The following ROR2 variants were observed in gnomAD, a reference collection of about 807,000 sequenced individuals.
ROR2 encodes the protein tyrosine-protein kinase transmembrane receptor ROR2.
In ROR2, 33 loss-of-function variants were observed where a neutral mutation model predicts 74.9. The ratio of observed to expected loss-of-function variants is 0.44; its 90% CI spans 0.33 to 0.59. The LOEUF (loss-of-function observed/expected upper bound fraction) is 0.59, where lower values mean the gene tolerates loss of function less well. ROR2 is among the 20% of genes least tolerant of loss of function. ROR2 has a pLI of 0.02. For synonymous variants in ROR2, 586 were observed against 558.7 expected (o/e 1.05, Z -0.69); for missense variants, 1,216 against 1,313.8 (o/e 0.93, Z 1.15).
chr9:91,936,571 TCAA>T (rs1181144530), intron 1 of ROR2, among the ~76,000 whole-genome samples: 2 of 152,202 alleles, frequency 1.3e-5, no homozygotes, highest in Non-Finnish European at 2.9e-5. Flanking sequence ...AGTTAGGACT[TCAA>T]CATATCTTCT....
At chr9:91,907,169 G>A (rs1021418850) in intron 1 of ROR2, among the ~76,000 whole-genome samples, 3 of 152,158 alleles carry the variant, frequency 2.0e-5, no homozygotes, top group Non-Finnish European at 4.4e-5. Context: ...TGTCTTAAGT[G>A]ATAAACAGGA....
chr9:91,927,465 G>A (rs529294912), intron 1 of ROR2, among the ~76,000 whole-genome samples: 6 of 152,020 alleles, frequency 3.9e-5, no homozygotes, highest in Non-Finnish European at 5.9e-5. Flanking sequence ...AAAGTCCGAG[G>A]GCCACCTCCA....
intron 1 of ROR2, among the ~76,000 whole-genome samples, chr9:91,909,838 G>GTTATTTTTTTTTTTTTTTTTTTTTT (rs1830909954): frequency 1.6e-5 from 1 of 63,198 alleles, no homozygotes; most frequent in African/African-American, 6.5e-5. Flanking sequence ...TTTTTTTTAG[G>GTTATTTTTTTTTTTTTTTTTTTTTT]TTTGTTTTGT....
rs761974165 is a variant in ROR2 at position 91,724,356 on chromosome 9, C to T, written c.2138G>A (p.Cys713Tyr). Residue 713 changes from cysteine to tyrosine, a missense_variant, in exon 9 of 9, where the codon TGC (cysteine) becomes TAC (tyrosine). By Grantham distance (194) the Cys-to-Tyr change is radical. Transcript: ENST00000375708. ...CACCCAGGCGGGACAGTCATCGGGG[C>T]AAGGCAGCACCTGCCGGTTCCGGAT... Reference protein sequence around the residue: ...EMIRNRQVLPCPDDCPAWVYA... With the variant: ...EMIRNRQVLPYPDDCPAWVYA... 1 of 1,613,716 alleles carries T rather than the reference C, an allele frequency of 6.2e-7. No homozygotes were observed. The highest frequency in any genetic ancestry group is 8.5e-7 in the Non-Finnish European group (1 of 1,180,024).
chr9:91,861,875 A>T (rs1367502762), intron 1 of ROR2, among the ~76,000 whole-genome samples: 1 of 152,152 alleles, frequency 6.6e-6, no homozygotes, highest in Non-Finnish European at 1.5e-5. Context: ...TATATAAAGA[A>T]CGCTGTTATG....
intron 1 of ROR2, among the ~76,000 whole-genome samples, chr9:91,853,226 G>A (rs1300925237): frequency 6.6e-6 from 1 of 152,186 alleles, no homozygotes; most frequent in Non-Finnish European, 1.5e-5. Flanking sequence ...GGATGGGCCT[G>A]ATCAGAGGGC....
At chr9:91,745,885 A>G (rs1435178277) in intron 4 of ROR2, among the ~76,000 whole-genome samples, 1 of 152,112 alleles carries the variant, frequency 6.6e-6, no homozygotes, top group Non-Finnish European at 1.5e-5. Context: ...TATTTTCTAG[A>G]AAACAGAACT....
chr9:91,875,088 C>T (rs1249795240), intron 1 of ROR2, among the ~76,000 whole-genome samples: 1 of 152,158 alleles, frequency 6.6e-6, no homozygotes, highest in Non-Finnish European at 1.5e-5. Flanking sequence ...CATTTTATTA[C>T]ATTTTCTCCA....
At chr9:91,828,098 AC>A (rs1441669251) in intron 1 of ROR2, among the ~76,000 whole-genome samples, 1 of 152,262 alleles carries the variant, frequency 6.6e-6, no homozygotes, top group African/African-American at 2.4e-5. Context: ...AATGTTTGCT[AC>A]CTTCAGAAGA....
chr9:91,787,248 C>T (rs766539582), intron 1 of ROR2, among the ~76,000 whole-genome samples: 3 of 152,174 alleles, frequency 2.0e-5, no homozygotes, highest in Admixed American at 6.5e-5. Context: ...TGGTGGCTCA[C>T]GCCTGTAATC....
intron 1 of ROR2, among the ~76,000 whole-genome samples, chr9:91,802,908 G>C (rs1827437076): frequency 6.6e-6 from 1 of 152,140 alleles, no homozygotes; most frequent in Non-Finnish European, 1.5e-5. Context: ...CTCCAAAGAA[G>C]ACATGTATAT....
At chr9:91,921,175 C>A (rs925360532) in intron 1 of ROR2, among the ~76,000 whole-genome samples, 4 of 152,200 alleles carry the variant, frequency 2.6e-5, no homozygotes, top group African/African-American at 9.7e-5. Context: ...CACAAACTGG[C>A]CCTGGGCATG....
At chr9:91,802,241 C>A (rs1827412353) in intron 1 of ROR2, among the ~76,000 whole-genome samples, 1 of 151,448 alleles carries the variant, frequency 6.6e-6, no homozygotes, top group Non-Finnish European at 1.5e-5. Context: ...GCCCGGCTAA[C>A]TTTTTTTTGT....
intron 1 of ROR2, among the ~76,000 whole-genome samples, chr9:91,805,572 A>G (rs1587735837): frequency 6.6e-6 from 1 of 152,230 alleles, no homozygotes; most frequent in East Asian, 1.9e-4. Context: ...CTGGAAATCT[A>G]AATCACACTC....
At chr9:91,937,017 G>C (rs1363961454) in intron 1 of ROR2, among the ~76,000 whole-genome samples, 1 of 83,984 alleles carries the variant, frequency 1.2e-5, no homozygotes, top group Non-Finnish European at 2.1e-5. Flanking sequence ...GCGACAGAGC[G>C]AGACTCCGTC....
At chr9:91,927,861 G>A (rs934833455) in intron 1 of ROR2, among the ~76,000 whole-genome samples, 2 of 152,102 alleles carry the variant, frequency 1.3e-5, no homozygotes, top group African/African-American at 4.8e-5. Flanking sequence ...ACCGCGCCCA[G>A]CCTCTAGATT....
chr9:91,929,427 A>T (rs1163099551), intron 1 of ROR2, among the ~76,000 whole-genome samples: 2 of 152,214 alleles, frequency 1.3e-5, no homozygotes, highest in Non-Finnish European at 2.9e-5. Flanking sequence ...GCAGCTTCTC[A>T]GAGGATAAGA....
rs970306168 is a variant in ROR2 at position 91,724,104 on chromosome 9, G to A, written c.2390C>T (p.Pro797Leu). The change falls in exon 9 of 9, where the codon CCA becomes CTA. Residue 797 changes from proline to leucine, a missense_variant. By Grantham distance (98) the Pro-to-Leu change is moderately conservative. Coordinates refer to ENST00000375708, the MANE Select transcript of ROR2 (RefSeq NM_004560.4). ...VGPKQKAPPF[P>L]QPQFIPMKGQ... Reference sequence around the variant, plus strand: ...CTTCATGGGGATGAACTGGGGCTGTGGGAAGGGCGGGGCCTTCTGCTTGGG... The same window carrying A: ...CTTCATGGGGATGAACTGGGGCTGTAGGAAGGGCGGGGCCTTCTGCTTGGG... 2 of 1,610,856 alleles carry A rather than the reference G, an allele frequency of 1.2e-6. No individual in the cohort carries two copies. The highest frequency in any genetic ancestry group is 2.2e-5 in the South Asian group (2 of 91,064).
At chr9:91,756,594 C>T (rs1434331707) in intron 3 of ROR2, among the ~76,000 whole-genome samples, 1 of 152,104 alleles carries the variant, frequency 6.6e-6, no homozygotes, top group East Asian at 1.9e-4. Flanking sequence ...CCTAGCCGTC[C>T]TGCAGTGTGG....
Sources: allele counts gnomAD v4.1 joint callset (sites outside exome capture counted in the v4.1 genomes callset), GRCh38; gene constraint gnomAD v4.1.1; transcripts MANE v1.5; gene names NCBI Gene and HGNC (gene_info 2026-07-23, HGNC 2026-07-21).